Variants in RIMKLB observed in about 807,000 individuals in gnomAD.
The protein encoded by RIMKLB is beta-citrylglutamate synthase B.
Under a neutral mutation model 32.0 loss-of-function variants are expected in RIMKLB, and 7 were observed. That is an observed-to-expected ratio of 0.22 (90% CI 0.12 to 0.41). The LOEUF (loss-of-function observed/expected upper bound fraction) is 0.41. Among genes scored for constraint, RIMKLB ranks in the 10% least tolerant of loss-of-function variants. RIMKLB has a pLI of 1.00. For synonymous variants in RIMKLB, 172 were observed against 185.1 expected (o/e 0.93, Z 0.57); for missense variants, 289 against 498.7 (o/e 0.58, Z 4.00).
At chr12:8,760,148 A>G (rs1176867473) in intron 5 of RIMKLB, among the ~76,000 whole-genome samples, 1 of 151,940 alleles carries the variant, frequency 6.6e-6, no homozygotes, top group Non-Finnish European at 1.5e-5. Flanking sequence ...CCTGTGTCCA[A>G]GTGTTCTCAT....
chr12:8,717,807 C>T (rs927253075), intron 2 of RIMKLB, among the ~76,000 whole-genome samples: 2 of 152,112 alleles, frequency 1.3e-5, no homozygotes, highest in Admixed American at 6.5e-5. Context: ...TTATATTTGC[C>T]TTTCCCAAAT....
chr12:8,781,662 T>G (rs763625641), downstream of RIMKLB, among the ~76,000 whole-genome samples: 7 of 152,330 alleles, frequency 4.6e-5, no homozygotes, highest in African/African-American at 1.4e-4. Context: ...GAATTTTAAT[T>G]ATCCGATGTT....
At chr12:8,771,900 T>C (rs1384717064) in intron 5 of RIMKLB, among the ~76,000 whole-genome samples, 1 of 152,200 alleles carries the variant, frequency 6.6e-6, no homozygotes, top group African/African-American at 2.4e-5. Context: ...TTTTTGTTTT[T>C]GTTTTTGAGA....
chr12:8,724,640 A>T (rs961912580), intron 2 of RIMKLB, among the ~76,000 whole-genome samples: 1 of 152,174 alleles, frequency 6.6e-6, no homozygotes, highest in African/African-American at 2.4e-5. Flanking sequence ...GTCTAGCTTC[A>T]TAAGTGCTTC....
Position 8,713,850 on chromosome 12 carries a change from A to C in RIMKLB, c.-17A>C. On this transcript the variant is annotated 5_prime_UTR_variant, in exon 2 of 6. Transcript: ENST00000535829. ...CAAGAGGAAATAATCCAGGCAAGGA[A>C]GCACAAGCTGATCAAGATGTGTAGT... 1 of 1,613,916 alleles carries C rather than the reference A, an allele frequency of 6.2e-7. No individual in the cohort carries two copies. The highest frequency in any genetic ancestry group is 8.5e-7 in the Non-Finnish European group (1 of 1,179,804).
intron 2 of RIMKLB, among the ~76,000 whole-genome samples, chr12:8,748,285 A>C (rs1948284855): frequency 6.6e-6 from 1 of 152,164 alleles, no homozygotes; most frequent in African/African-American, 2.4e-5. Context: ...CAGTACAATA[A>C]GATTTTGAGA....
intron 4 of RIMKLB, 118 bp from the exon 5 acceptor site, chr12:8,753,770 TAA>T: frequency 2.8e-6 from 2 of 719,656 alleles, no homozygotes; most frequent in Non-Finnish European, 4.5e-6. Context: ...AAAGAAAACT[TAA>T]AAAAAAAATG....
intron 2 of RIMKLB, among the ~76,000 whole-genome samples, chr12:8,743,761 T>G (rs1310511036): frequency 6.6e-6 from 1 of 151,900 alleles, no homozygotes; most frequent in African/African-American, 2.4e-5. Flanking sequence ...CAAAGATTGC[T>G]TCCCCACCCC....
chr12:8,727,017 A>T, intron 2 of RIMKLB, among the ~76,000 whole-genome samples: 1 of 152,176 alleles, frequency 6.6e-6, no homozygotes, highest in African/African-American at 2.4e-5. Flanking sequence ...TACATTTACA[A>T]TTAATCTAAG....
rs1331304509 is a variant in RIMKLB, at chr12:8,776,906, A to G, written c.*3122A>G. On this transcript the variant is annotated 3_prime_UTR_variant, in exon 6 of 6. Transcript: ENST00000535829. ...TCAAGAAGAAAGCAATGGAGAAGCA[A>G]ATTTGTTTCATTCAGTGAATCCCCA... 1.0e-5 allele frequency: 10 copies of G among 985,694 alleles called. No individual in the cohort carries two copies. Among genetic ancestry groups the G allele is most frequent in the African/African-American group, 3.5e-5 (2 of 57,226 alleles). The allele number at this position is 985,694 out of a possible 1,614,324, so 61.1% of individuals were successfully genotyped here.
rs774033838 is a variant in RIMKLB at position 8,754,089 on chromosome 12, A to C, written c.693A>C (p.Ser231=). The change falls in exon 5 of 6, where the codon TCA becomes TCC. Residue 231 remains serine (S), a synonymous_variant. Transcript: ENST00000535829. ...ATGGGAGAATGCAAAGCAACTGCTC[A>C]TTAGGTAAAAATAATGCAATTATCT... ...STDGRMQSNC[S]LGGVGMMCSL... The C allele has an allele frequency of 5.6e-6, 9 of 1,609,292 alleles. No homozygotes were observed. The Admixed American group carries it at 1.2e-4, about 21-fold the overall frequency.
chr12:8,764,637 G>A (rs769900244), intron 5 of RIMKLB, among the ~76,000 whole-genome samples: 18 of 152,144 alleles, frequency 1.2e-4, no homozygotes, highest in Non-Finnish European at 2.4e-4. Flanking sequence ...CCGGGGCTCT[G>A]TGAGGTCGAT....
At chr12:8,767,601 A>C (rs951027748) in intron 5 of RIMKLB, among the ~76,000 whole-genome samples, 1 of 152,304 alleles carries the variant, frequency 6.6e-6, no homozygotes, top group East Asian at 1.9e-4. Context: ...GGGTGTACGC[A>C]TGGGCATCTG....
intron 5 of RIMKLB, among the ~76,000 whole-genome samples, 164 bp downstream of exon 5, chr12:8,754,257 CTT>C (rs57124065): frequency 0.033 from 5,004 of 152,182 alleles, 255 homozygotes; most frequent in African/African-American, 0.11. Context: ...TAATTAAACT[CTT>C]GAGTTATTTT....
chr12:8,755,527 A>G (rs1262065250), intron 5 of RIMKLB, among the ~76,000 whole-genome samples: 4 of 152,190 alleles, frequency 2.6e-5, no homozygotes, highest in Non-Finnish European at 5.9e-5. Flanking sequence ...ATCTCTACTC[A>G]GAATGTTTCC....
chr12:8,697,934 CG>C (rs887452576), upstream of RIMKLB: 6 of 149,836 alleles, frequency 4.0e-5, no homozygotes, highest in East Asian at 1.2e-3. Context: ...TCTGAGGGAG[CG>C]GGGCGGTCTC....
chr12:8,757,408 C>G (rs920454445), intron 5 of RIMKLB, among the ~76,000 whole-genome samples: 1 of 150,024 alleles, frequency 6.7e-6, no homozygotes, highest in South Asian at 2.1e-4. Context: ...TGATTCACAC[C>G]TCTGGTCCCA....
intron 2 of RIMKLB, among the ~76,000 whole-genome samples, chr12:8,736,892 G>C (rs1947058260): frequency 6.6e-6 from 1 of 152,116 alleles, no homozygotes; most frequent in Non-Finnish European, 1.5e-5. Context: ...GCTCACTGCA[G>C]CTTCTGCCTC....
At position 8,768,597 on chromosome 12, in the gene RIMKLB, G is replaced by A. The variant is rs118139929; in HGVS notation, c.698-4724G>A. On this transcript the variant is annotated intron_variant, in intron 5 of 5. Transcript: ENST00000535829. ...TGGGGAGTTTTCAGTCTTTTCCTAG[G>A]GCATTCTATATTGGTAAAGTAACAT... Among the ~76,000 whole-genome samples, 168 of 152,154 alleles carry A rather than the reference G, an allele frequency of 1.1e-3. 1 individual carries two copies. The highest frequency in any genetic ancestry group is 1.8e-3 in the Admixed American group (27 of 15,280).
Sources: allele counts gnomAD v4.1 joint callset (sites outside exome capture counted in the v4.1 genomes callset), GRCh38; gene constraint gnomAD v4.1.1; transcripts MANE v1.5; gene names NCBI Gene and HGNC (gene_info 2026-07-23, HGNC 2026-07-21).